The following FAM185A variants were observed in gnomAD, a reference collection of about 807,000 sequenced individuals.
FAM185A encodes the protein family with sequence similarity 185 member A, also known as protein FAM185A.
FAM185A carries 21 observed loss-of-function variants against 45.7 expected under a neutral mutation model. That is an observed-to-expected ratio of 0.46 (90% confidence interval 0.33 to 0.66). The LOEUF (loss-of-function observed/expected upper bound fraction) is 0.66. FAM185A is among the 30% of genes least tolerant of loss of function. FAM185A has a pLI of 0.03. For synonymous variants in FAM185A, 117 were observed against 194.0 expected (o/e 0.60, Z 3.30); for missense variants, 305 against 485.4 (o/e 0.63, Z 3.49).
intron 3 of FAM185A, among the ~76,000 whole-genome samples, chr7:102,760,342 A>C (rs188290366): frequency 6.6e-6 from 1 of 152,254 alleles, no homozygotes; most frequent in East Asian, 1.9e-4. Flanking sequence ...TCTGTCATTA[A>C]ATAGTAAATT....
At chr7:102,826,966 G>C in the FAM185A span, 1 of 303,460 alleles carries the variant, frequency 3.3e-6, no homozygotes, top group Non-Finnish European at 7.2e-6. Context: ...TCATTTATTT[G>C]TGAGAATGTA....
At chr7:102,839,554 G>C in the FAM185A span, among the ~76,000 whole-genome samples, 1 of 152,150 alleles carries the variant, frequency 6.6e-6, no homozygotes, top group Admixed American at 6.5e-5. Context: ...CTGGGTTCAA[G>C]AGATTCTCGT....
At chr7:102,810,765 T>A (rs114355101), downstream of FAM185A, among the ~76,000 whole-genome samples, 1,893 of 152,046 alleles carry the variant, frequency 0.012, 47 homozygotes, top group African/African-American at 0.044. Context: ...AATTTTTAAA[T>A]TTTTTATAGA....
intron 1 of FAM185A, among the ~76,000 whole-genome samples, chr7:102,751,422 G>A (rs1793355315): frequency 6.6e-6 from 1 of 151,972 alleles, no homozygotes; most frequent in Non-Finnish European, 1.5e-5. Context: ...GTACTTAACA[G>A]AATCGTAGTC....
chr7:102,822,625 C>A, the FAM185A span, among the ~76,000 whole-genome samples: 1 of 152,200 alleles, frequency 6.6e-6, no homozygotes, highest in Non-Finnish European at 1.5e-5. Context: ...GACAAACATT[C>A]AATTCATAAC....
At chr7:102,820,227 T>C in the FAM185A span, among the ~76,000 whole-genome samples, 1 of 152,222 alleles carries the variant, frequency 6.6e-6, no homozygotes, top group Non-Finnish European at 1.5e-5. Flanking sequence ...GTGGCCTCTT[T>C]AGACAACGAA....
At chr7:102,804,741 C>T (rs1317225198) in intron 7 of FAM185A, among the ~76,000 whole-genome samples, 1 of 152,194 alleles carries the variant, frequency 6.6e-6, no homozygotes, top group Non-Finnish European at 1.5e-5. Context: ...GCAGAGTAAA[C>T]AGACAACCCA....
intron 7 of FAM185A, among the ~76,000 whole-genome samples, chr7:102,800,495 A>G (rs1479812008): frequency 6.6e-6 from 1 of 152,228 alleles, no homozygotes; most frequent in African/African-American, 2.4e-5. Context: ...AATCCAAAAA[A>G]TGGTACAATA....
chr7:102,806,476 C>T (rs567268699), intron 7 of FAM185A, among the ~76,000 whole-genome samples: 7 of 152,282 alleles, frequency 4.6e-5, no homozygotes, highest in South Asian at 2.1e-4. Flanking sequence ...TGAGCCACCT[C>T]GCCTGCCTGC....
At chr7:102,818,231 A>G in the FAM185A span, among the ~76,000 whole-genome samples, 1 of 152,226 alleles carries the variant, frequency 6.6e-6, no homozygotes, top group Non-Finnish European at 1.5e-5. Context: ...CTTACTGACC[A>G]CATCCCTTGA....
chr7:102,753,944 A>C (rs1431278728), intron 2 of FAM185A, among the ~76,000 whole-genome samples: 5 of 152,170 alleles, frequency 3.3e-5, no homozygotes, highest in African/African-American at 1.2e-4. Flanking sequence ...TTACAAATAA[A>C]ATAGCTCAAA....
the FAM185A span, chr7:102,816,322 G>A: frequency 6.6e-6 from 1 of 152,264 alleles, no homozygotes; most frequent in Non-Finnish European, 1.5e-5. Flanking sequence ...CACAGCAAGG[G>A]TGGTCCTAGG....
At chr7:102,814,177 C>A (rs1030719584), downstream of FAM185A, among the ~76,000 whole-genome samples, 2 of 152,102 alleles carry the variant, frequency 1.3e-5, no homozygotes, top group African/African-American at 4.8e-5. Flanking sequence ...ATTTTGAGGA[C>A]AGAAGGAAGA....
At chr7:102,779,576 A>G (rs562279399) in intron 6 of FAM185A, 4 of 152,258 alleles carry the variant, frequency 2.6e-5, no homozygotes, top group African/African-American at 9.6e-5. Context: ...CGTGTCTTCT[A>G]TTTATCCTGA....
chr7:102,824,824 A>G, the FAM185A span, among the ~76,000 whole-genome samples: 10 of 125,980 alleles, frequency 7.9e-5, no homozygotes, highest in African/African-American at 2.8e-4. Flanking sequence ...GGGTTTCACC[A>G]TGTTTCCCAG....
chr7:102,799,146 G>A (rs62484938), intron 7 of FAM185A, among the ~76,000 whole-genome samples: 266 of 152,284 alleles, frequency 1.7e-3, no homozygotes, highest in Non-Finnish European at 2.8e-3. Flanking sequence ...ATGCAGCATA[G>A]GCACAGAAAA....
At chr7:102,804,630 T>G (rs1797000283) in intron 7 of FAM185A, among the ~76,000 whole-genome samples, 1 of 152,158 alleles carries the variant, frequency 6.6e-6, no homozygotes, top group Non-Finnish European at 1.5e-5. Flanking sequence ...TAGGCAAGGA[T>G]TTCATGACCA....
At chr7:102,834,090 GAAA>G in the FAM185A span, among the ~76,000 whole-genome samples, 2,604 of 69,826 alleles carry the variant, frequency 0.037, 92 homozygotes, top group African/African-American at 0.067. Flanking sequence ...GGAAAGAAAA[GAAA>G]GAAAGAAAGA....
downstream of FAM185A, chr7:102,813,378 T>C (rs1797569656): frequency 4.3e-6 from 7 of 1,613,972 alleles, no homozygotes; most frequent in East Asian, 1.6e-4. Context: ...ATGTTGACTT[T>C]TTCACTGTTA....
Sources: allele counts gnomAD v4.1 joint callset (sites outside exome capture counted in the v4.1 genomes callset), GRCh38; gene constraint gnomAD v4.1.1; transcripts MANE v1.5; gene names NCBI Gene and HGNC (gene_info 2026-07-23, HGNC 2026-07-21).